ACBD6: variants seen among roughly 807,000 people sequenced by gnomAD.
ACBD6 encodes the protein acyl-CoA-binding domain-containing protein 6.
ACBD6 carries 28 observed loss-of-function variants against 37.2 expected under a neutral mutation model. The ratio of observed to expected loss-of-function variants is 0.75; its 90% confidence interval spans 0.56 to 1.03. The LOEUF is 1.03. ACBD6 is among the 50% of genes least tolerant of loss of function. The pLI is 0.00. For synonymous variants in ACBD6, 113 were observed against 126.8 expected (o/e 0.89, Z 0.73); for missense variants, 340 against 337.4 (o/e 1.01, Z -0.06).
intron 6 of ACBD6, among the ~76,000 whole-genome samples, chr1:180,325,687 C>T (rs747608819): frequency 2.0e-5 from 3 of 152,190 alleles, no homozygotes; most frequent in East Asian, 1.9e-4. Context: ...AATTTGGGCA[C>T]GTTTGTGCCC....
intron 7 of ACBD6, among the ~76,000 whole-genome samples, chr1:180,299,173 T>G (rs1001516376): frequency 1.3e-5 from 2 of 152,266 alleles, no homozygotes; most frequent in Non-Finnish European, 2.9e-5. Context: ...TTTCTCTGCC[T>G]TTGGCATGTT....
Position 180,425,355 on chromosome 1 carries a change from T to C in ACBD6, c.467+4825A>G, listed in dbSNP as rs74132840. Among the ~76,000 whole-genome samples, 1,029 of 152,324 alleles carry C rather than the reference T, an allele frequency of 6.8e-3. 19 individuals carry two copies. The highest frequency in any genetic ancestry group is 0.024 in the African/African-American group (983 of 41,570). ...CACTTGCCTATACCCACTTGTGTAGTCCTCAAAGAATAACCAGAATTTAAC... is the reference window on the plus strand; with the variant it reads ...CACTTGCCTATACCCACTTGTGTAGCCCTCAAAGAATAACCAGAATTTAAC... On this transcript the variant is annotated intron_variant, in intron 4 of 7. Transcript: ENST00000367595.
chr1:180,480,849 G>A (rs1429308710), intron 3 of ACBD6, among the ~76,000 whole-genome samples: 1 of 152,120 alleles, frequency 6.6e-6, no homozygotes, highest in African/African-American at 2.4e-5. Flanking sequence ...TAACCGACAT[G>A]GTGAGGCCTT....
chr1:180,280,191 G>A (rs1465716078), intron 9 of ACBD6, among the ~76,000 whole-genome samples: 1 of 152,204 alleles, frequency 6.6e-6, no homozygotes, highest in Non-Finnish European at 1.5e-5. Context: ...GAGTGGGCAA[G>A]GAAATCTCAT....
chr1:180,502,339 C>T lies in ACBD6; in HGVS notation c.-73G>A, dbSNP rs1000146592. On this transcript the variant is annotated 5_prime_UTR_variant, in exon 1 of 8. Transcript: ENST00000367595. ...ATTGGGTGTAAGGCCGGCTTGGAGG[C>T]CTGGCCCACCAGTCTGGGTCGCGAG... is the stretch of plus-strand genomic sequence containing the variant. The T allele has an allele frequency of 6.5e-7, 1 of 1,529,518 alleles. No homozygotes were observed. Among genetic ancestry groups the T allele is most frequent in the Non-Finnish European group, 9.0e-7 (1 of 1,117,126 alleles). 94.7% of individuals were successfully genotyped at this position (1,529,518 alleles called of 1,614,324 possible).
At chr1:180,407,964 C>A (rs546194900) in intron 5 of ACBD6, among the ~76,000 whole-genome samples, 2 of 152,270 alleles carry the variant, frequency 1.3e-5, no homozygotes, top group South Asian at 4.2e-4. Context: ...TATCATCATC[C>A]TTCACTCATA....
intron 4 of ACBD6, among the ~76,000 whole-genome samples, chr1:180,426,547 G>A (rs781164734): frequency 9.9e-5 from 15 of 152,072 alleles, no homozygotes; most frequent in Non-Finnish European, 1.3e-4. Flanking sequence ...TGTTACTCTC[G>A]TTTCTATAGT....
At chr1:180,449,779 G>A (rs750879094) in intron 3 of ACBD6, among the ~76,000 whole-genome samples, 3 of 151,778 alleles carry the variant, frequency 2.0e-5, no homozygotes, top group Non-Finnish European at 2.9e-5. Flanking sequence ...GGGGACAGGG[G>A]GAGGGATAGC....
chr1:180,345,670 C>T (rs904853487), intron 6 of ACBD6, among the ~76,000 whole-genome samples: 3 of 151,934 alleles, frequency 2.0e-5, no homozygotes, highest in Admixed American at 6.6e-5. Context: ...GGTCATAAAA[C>T]ATTTATAACT....
chr1:180,497,859 G>C (rs1651798313), intron 1 of ACBD6, among the ~76,000 whole-genome samples: 1 of 152,110 alleles, frequency 6.6e-6, no homozygotes, highest in South Asian at 2.1e-4. Context: ...AGAGAGAGAA[G>C]TATTTTAGCA....
chr1:180,428,326 A>G (rs1176143640), intron 4 of ACBD6, among the ~76,000 whole-genome samples: 1 of 151,220 alleles, frequency 6.6e-6, no homozygotes, highest in African/African-American at 2.5e-5. Flanking sequence ...TTCAAAAGTG[A>G]AGAAGTTGAG....
chr1:180,302,730 G>T (rs1650182025), intron 7 of ACBD6, among the ~76,000 whole-genome samples: 1 of 150,462 alleles, frequency 6.6e-6, no homozygotes, highest in Non-Finnish European at 1.5e-5. Flanking sequence ...TCCAGGAATT[G>T]AACTCAGCTC....
At chr1:180,307,167 T>C (rs1039446832) in intron 7 of ACBD6, among the ~76,000 whole-genome samples, 6 of 152,184 alleles carry the variant, frequency 3.9e-5, no homozygotes, top group African/African-American at 1.2e-4. Context: ...TGGAACACTA[T>C]TCAGCCATAA....
chr1:180,285,934 CA>C (rs912345722), downstream of ACBD6, among the ~76,000 whole-genome samples: 5 of 151,710 alleles, frequency 3.3e-5, no homozygotes, highest in Non-Finnish European at 7.4e-5. Context: ...TTATTAGAAA[CA>C]TAATTGTAAT....
At chr1:180,479,311 G>A (rs1354593878) in intron 3 of ACBD6, among the ~76,000 whole-genome samples, 1 of 152,146 alleles carries the variant, frequency 6.6e-6, no homozygotes, top group Non-Finnish European at 1.5e-5. Flanking sequence ...ATATTACGCA[G>A]CTATAAAAAA....
intron 3 of ACBD6, among the ~76,000 whole-genome samples, chr1:180,466,046 G>A (rs371113915): frequency 2.0e-5 from 3 of 152,030 alleles, no homozygotes; most frequent in African/African-American, 7.2e-5. Context: ...ATTGGGTATT[G>A]AGCTTAATAC....
At chr1:180,286,607 G>T (rs1649507543), downstream of ACBD6, among the ~76,000 whole-genome samples, 1 of 150,476 alleles carries the variant, frequency 6.6e-6, no homozygotes, top group Non-Finnish European at 1.5e-5. Flanking sequence ...TAAACAGCAG[G>T]TTGCAATGTA....
intron 5 of ACBD6, among the ~76,000 whole-genome samples, chr1:180,400,019 T>C (rs1647285446): frequency 6.6e-6 from 1 of 152,124 alleles, no homozygotes. Context: ...GTATAGATAA[T>C]TTCTATCTCT....
chr1:180,286,970 A>G (rs1649522094), downstream of ACBD6: 1 of 152,188 alleles, frequency 6.6e-6, no homozygotes. Context: ...TTAAGTGGTT[A>G]TCTTTGCATC....
Sources: gnomAD v4.1 joint callset for allele counts (sites outside exome capture counted in the v4.1 genomes callset) on GRCh38, gnomAD v4.1.1 for gene constraint, MANE v1.5 for transcripts, NCBI Gene and HGNC (gene_info 2026-07-23, HGNC 2026-07-21) for gene names.